The following CHRM3 variants were observed in gnomAD, a reference collection of about 807,000 sequenced individuals.
CHRM3 encodes the protein cholinergic receptor muscarinic 3.
CHRM3 carries 11 observed loss-of-function variants against 41.8 expected under a neutral mutation model. The ratio of observed to expected loss-of-function variants is 0.26; its 90% CI spans 0.17 to 0.44. CHRM3 has a LOEUF of 0.44. CHRM3 is among the 20% of genes least tolerant of loss of function. The pLI is 1.00. For missense variants in CHRM3, 571 were observed against 745.4 expected, an observed-to-expected ratio of 0.77 and a Z score of 2.72; for synonymous variants, 297 against 301.4, an observed-to-expected ratio of 0.99 and a Z score of 0.15.
intron 5 of CHRM3, among the ~76,000 whole-genome samples, chr1:239,726,800 T>C (rs1663481309): frequency 6.6e-6 from 1 of 151,876 alleles, no homozygotes. Flanking sequence ...TGAGACTGTG[T>C]GTTTGTTAAT....
intron 5 of CHRM3, among the ~76,000 whole-genome samples, chr1:239,760,040 G>A (rs1180126019): frequency 6.6e-6 from 1 of 151,062 alleles, no homozygotes; most frequent in Non-Finnish European, 1.5e-5. Flanking sequence ...TCAGCCTCCC[G>A]AGTAGCTGGG....
chr1:239,898,852 T>A (rs142720155), intron 6 of CHRM3, among the ~76,000 whole-genome samples: 167 of 152,326 alleles, frequency 1.1e-3, no homozygotes, highest in African/African-American at 3.9e-3. Context: ...TTAAATTTTT[T>A]AAATTTACCT....
chr1:239,603,508 T>C (rs1484304962), intron 3 of CHRM3, among the ~76,000 whole-genome samples: 4 of 152,068 alleles, frequency 2.6e-5, no homozygotes, highest in African/African-American at 9.7e-5. Flanking sequence ...TCAGTTAGCA[T>C]TTGGAAGGAA....
At chr1:239,683,539 CT>C (rs2149107031) in intron 5 of CHRM3, among the ~76,000 whole-genome samples, 1 of 152,224 alleles carries the variant, frequency 6.6e-6, no homozygotes, top group African/African-American at 2.4e-5. Context: ...TCTTTAAAGT[CT>C]TTTTTACTTT....
chr1:239,849,330 G>A (rs1674516196), intron 6 of CHRM3, among the ~76,000 whole-genome samples: 1 of 152,138 alleles, frequency 6.6e-6, no homozygotes, highest in Non-Finnish European at 1.5e-5. Context: ...TTGTAGCACT[G>A]AGATAAGACC....
At chr1:239,886,651 A>G (rs1390103878) in intron 6 of CHRM3, 1 of 152,226 alleles carries the variant, frequency 6.6e-6, no homozygotes, top group African/African-American at 2.4e-5. Context: ...CAAATCTAAT[A>G]TCATGTAAAA....
chr1:239,813,806 A>C (rs1307312092), intron 5 of CHRM3, among the ~76,000 whole-genome samples: 1 of 130,300 alleles, frequency 7.7e-6, no homozygotes, highest in Non-Finnish European at 1.6e-5. Flanking sequence ...AGTCCCAGCT[A>C]CTCGGGAGGC....
intron 6 of CHRM3, chr1:239,897,976 G>A (rs1679152300): frequency 6.6e-6 from 1 of 152,068 alleles, no homozygotes; most frequent in Non-Finnish European, 1.5e-5. Flanking sequence ...GGCAACCGAG[G>A]GAGGAGGCAG....
intron 6 of CHRM3, among the ~76,000 whole-genome samples, chr1:239,876,201 A>G (rs1677096663): frequency 6.6e-6 from 1 of 152,240 alleles, no homozygotes; most frequent in Non-Finnish European, 1.5e-5. Flanking sequence ...AGCCAGCTTC[A>G]TTTTAAGACA....
At chr1:239,545,354 C>T (rs1262719637) in intron 2 of CHRM3, among the ~76,000 whole-genome samples, 1 of 152,104 alleles carries the variant, frequency 6.6e-6, no homozygotes, top group Non-Finnish European at 1.5e-5. Context: ...GGGATAAAAA[C>T]TACATATTGG....
At chr1:239,426,216 G>C (rs1291819589) in intron 1 of CHRM3, among the ~76,000 whole-genome samples, 3 of 140,586 alleles carry the variant, frequency 2.1e-5, no homozygotes, top group Non-Finnish European at 3.0e-5. Flanking sequence ...AGGATGTGGA[G>C]AAATAGGAAC....
rs758669057 is a variant in CHRM3 at position 239,702,378 on chromosome 1, T to C, written c.-147+24090T>C. On this transcript the variant is annotated intron_variant, in intron 5 of 6. Transcript: ENST00000676153. ...AGGATGCTGCTGTAAGTTCTGGTTT[T>C]GCAAACACTGTACACAACTTCTTCT... Among the ~76,000 whole-genome samples, 98 of 152,306 alleles carry C rather than the reference T, an allele frequency of 6.4e-4. 1 individual carries two copies. The Middle Eastern group carries it at 0.017, about 26-fold the overall frequency.
chr1:239,858,552 T>C (rs1289550291), intron 6 of CHRM3, among the ~76,000 whole-genome samples: 5 of 151,766 alleles, frequency 3.3e-5, no homozygotes, highest in Admixed American at 1.3e-4. Context: ...TAATTGTACT[T>C]GCCTCTTACA....
chr1:239,618,570 C>T (rs149910020), intron 3 of CHRM3, among the ~76,000 whole-genome samples: 2,536 of 151,808 alleles, frequency 0.017, 37 homozygotes, highest in Admixed American at 0.044. Context: ...GATGGCCGGG[C>T]GCGGTGGCTC....
intron 5 of CHRM3, among the ~76,000 whole-genome samples, chr1:239,715,367 G>A (rs189007320): frequency 5.0e-4 from 76 of 152,248 alleles, no homozygotes; most frequent in African/African-American, 1.6e-3. Context: ...GAGAAGGCGT[G>A]TGTGCAGTGG....
intron 3 of CHRM3, among the ~76,000 whole-genome samples, chr1:239,602,110 G>GTGTGTGTATATATATATATATA (rs1307023039): frequency 8.9e-5 from 10 of 112,858 alleles, no homozygotes; most frequent in African/African-American, 3.4e-4. Flanking sequence ...GTGTGTGTGT[G>GTGTGTGTATATATATATATATA]TATATATATA....
At chr1:239,759,156 G>GTTT (rs1558518322) in intron 5 of CHRM3, among the ~76,000 whole-genome samples, 3 of 133,032 alleles carry the variant, frequency 2.3e-5, no homozygotes, top group African/African-American at 1.1e-4. Context: ...GAGCTTTATG[G>GTTT]GTTTTTTTTT....
chr1:239,710,291 G>A (rs910983668), intron 5 of CHRM3, among the ~76,000 whole-genome samples: 2 of 152,048 alleles, frequency 1.3e-5, no homozygotes, highest in East Asian at 1.9e-4. Context: ...GTGTTTGTAT[G>A]TATATAACTA....
At chr1:239,398,186 T>A (rs1350021894) in intron 1 of CHRM3, among the ~76,000 whole-genome samples, 1 of 152,164 alleles carries the variant, frequency 6.6e-6, no homozygotes. Context: ...ATTACAACTT[T>A]GAATCAATAG....
Sources: gnomAD v4.1 joint callset for allele counts (sites outside exome capture counted in the v4.1 genomes callset) on GRCh38, gnomAD v4.1.1 for gene constraint, MANE v1.5 for transcripts, NCBI Gene and HGNC (gene_info 2026-07-23, HGNC 2026-07-21) for gene names.